The following PDSS2 variants were observed in gnomAD, a reference collection of about 807,000 sequenced individuals.
PDSS2 encodes the protein all trans-polyprenyl-diphosphate synthase PDSS2.
In PDSS2, 31 loss-of-function variants were observed where a neutral mutation model predicts 44.5. That is an observed-to-expected ratio of 0.70 (90% CI 0.52 to 0.94). The LOEUF (loss-of-function observed/expected upper bound fraction) is 0.94. PDSS2 is among the 40% of genes least tolerant of loss of function. The pLI, the probability that PDSS2 is intolerant of heterozygous loss-of-function variation, is 0.00. For missense variants in PDSS2, 452 were observed against 482.2 expected (o/e 0.94, Z 0.59); for synonymous variants, 157 against 180.3 (o/e 0.87, Z 1.03).
Position 107,285,763 on chromosome 6 carries a change from T to C in PDSS2, c.432-11536A>G, listed in dbSNP as rs77769253. Among the ~76,000 whole-genome samples the C allele has an allele frequency of 4.6e-4, 70 of 152,298 alleles. 1 individual carries two copies. The highest frequency in any genetic ancestry group is 1.0e-3 in the South Asian group (5 of 4,830). Reference sequence around the variant, plus strand: ...CATCTAACTGTGAAAAGCAACACTATAAATTTAGGAAAACATCCTTATGGA... The same window carrying C: ...CATCTAACTGTGAAAAGCAACACTACAAATTTAGGAAAACATCCTTATGGA... On this transcript the variant is annotated intron_variant, in intron 2 of 7. Transcript: ENST00000369037.
At chr6:107,246,833 G>T (rs1004518198) in intron 3 of PDSS2, among the ~76,000 whole-genome samples, 1 of 152,126 alleles carries the variant, frequency 6.6e-6, no homozygotes, top group Admixed American at 6.6e-5. Flanking sequence ...TTTAAGGATG[G>T]TTTAATTTGT....
At chr6:107,253,668 A>G (rs958742466) in intron 3 of PDSS2, among the ~76,000 whole-genome samples, 8 of 151,794 alleles carry the variant, frequency 5.3e-5, no homozygotes, top group African/African-American at 1.9e-4. Flanking sequence ...TTAATTCACA[A>G]TTGTGAGATA....
At chr6:107,304,748 C>T (rs1255571396) in intron 2 of PDSS2, among the ~76,000 whole-genome samples, 1 of 152,184 alleles carries the variant, frequency 6.6e-6, no homozygotes, top group Non-Finnish European at 1.5e-5. Context: ...TTAAATAAAT[C>T]TTTAGAGAAA....
rs776915681 is a variant in PDSS2, at chr6:107,459,108, C to G, written c.178G>C (p.Val60Leu). The change falls in exon 1 of 8, where the codon GTG becomes CTG. Residue 60 changes from valine (V) to leucine (L), a missense_variant. Transcript: ENST00000369037. The surrounding 1 kb of genome is among the most constrained non-coding windows in gnomAD (Gnocchi z 4.3). ...NQVVSEAEKI[V>L]GYPTSFMSLR... ...CTCATGAAGGACGTGGGGTACCCCA[C>G]GATCTTCTCCGCCTCTGACACTACC... The G allele has an allele frequency of 1.2e-6, 2 of 1,614,094 alleles. No individual in the cohort carries two copies. Among genetic ancestry groups the G allele is most frequent in the South Asian group, 1.1e-5 (1 of 91,082 alleles).
At chr6:107,244,447 C>G (rs1774543346) in intron 4 of PDSS2, among the ~76,000 whole-genome samples, 1 of 152,200 alleles carries the variant, frequency 6.6e-6, no homozygotes, top group Non-Finnish European at 1.5e-5. Flanking sequence ...ATATTAACCT[C>G]CATCCATAGT....
At chr6:107,366,336 A>T (rs1036279813) in intron 1 of PDSS2, among the ~76,000 whole-genome samples, 1 of 152,130 alleles carries the variant, frequency 6.6e-6, no homozygotes, top group Non-Finnish European at 1.5e-5. Context: ...ACCTGAATGA[A>T]AATGAAAAGA....
chr6:107,223,068 C>T (rs1773666848), intron 4 of PDSS2, among the ~76,000 whole-genome samples: 1 of 151,572 alleles, frequency 6.6e-6, no homozygotes, highest in Admixed American at 6.6e-5. Flanking sequence ...CCTGCCTCAG[C>T]CTCCTGAGTA....
In PDSS2 at chr6:107,379,380, T is replaced by C. The variant is rs368749298; in HGVS notation, c.297-45048A>G. Among the ~76,000 whole-genome samples, 50 of 152,348 alleles carry C rather than the reference T, an allele frequency of 3.3e-4. No homozygotes were observed. The South Asian group carries it at 9.5e-3, about 29-fold the overall frequency. ...ACTTGAGAAAAGGATGTATTTTCTA[T>C]TATCAGAACTTCGAGTTTAATATAT... On this transcript the variant is annotated intron_variant, in intron 1 of 7. Transcript: ENST00000369037.
intron 7 of PDSS2, among the ~76,000 whole-genome samples, chr6:107,170,018 C>T (rs2114366281): frequency 6.6e-6 from 1 of 152,270 alleles, no homozygotes; most frequent in Middle Eastern, 3.4e-3. Context: ...CAGACAGGGA[C>T]ATTTAAGTCT....
In PDSS2 at chr6:107,376,237, C is replaced by T. The variant is rs1024430942; in HGVS notation, c.297-41905G>A. Among the ~76,000 whole-genome samples, 9 of 151,984 alleles carry T rather than the reference C, an allele frequency of 5.9e-5. No homozygotes were observed. In the South Asian group the frequency reaches 8.3e-4, roughly 14 times the overall value. On this transcript the variant is annotated intron_variant, in intron 1 of 7. Coordinates refer to ENST00000369037, the MANE Select transcript of PDSS2 (RefSeq NM_020381.4). ...TTCTTTTGGCTTAGGATTGACTTGG[C>T]GATGTGGGCTCTTTTTTGGTTCCAT... is the stretch of plus-strand genomic sequence containing the variant.
chr6:107,365,779 T>G (rs1383229473), intron 1 of PDSS2, among the ~76,000 whole-genome samples: 2 of 152,118 alleles, frequency 1.3e-5, no homozygotes, highest in Admixed American at 1.3e-4. Context: ...CTGGAGACAA[T>G]GAAGGACATT....
intron 2 of PDSS2, among the ~76,000 whole-genome samples, chr6:107,302,227 T>C (rs1003360245): frequency 1.3e-5 from 2 of 152,128 alleles, no homozygotes; most frequent in African/African-American, 4.8e-5. Flanking sequence ...TAGGATCCGA[T>C]TGTTTAAAAA....
intron 1 of PDSS2, among the ~76,000 whole-genome samples, chr6:107,429,010 A>G (rs1178840548): frequency 1.3e-5 from 2 of 152,204 alleles, no homozygotes; most frequent in Non-Finnish European, 2.9e-5. Flanking sequence ...TAAAGGATGC[A>G]GCCACTACCT....
rs4946825 is a variant in PDSS2, at chr6:107,218,281, A to G, written c.703-5999T>C. 4.2e-3 allele frequency among the ~76,000 whole-genome samples: 636 copies of G among 152,206 alleles called. 11 individuals are homozygous for G. The highest frequency in any genetic ancestry group is 0.025 in the Admixed American group (386 of 15,284). On this transcript the variant is annotated intron_variant, in intron 4 of 7. Coordinates refer to ENST00000369037, the MANE Select transcript of PDSS2 (RefSeq NM_020381.4). ...GCCAGGGTGACCTTTAAAAACACAA[A>G]CCAGAACTACAATGGCCTCCAGCTG...
intron 5 of PDSS2, among the ~76,000 whole-genome samples, chr6:107,211,280 A>ATT (rs1773194608): frequency 6.6e-6 from 1 of 151,648 alleles, no homozygotes; most frequent in African/African-American, 2.4e-5. Context: ...TAAATTTAAA[A>ATT]TTATATATAT....
At chr6:107,202,312 T>G (rs1409312266) in intron 6 of PDSS2, among the ~76,000 whole-genome samples, 3 of 151,944 alleles carry the variant, frequency 2.0e-5, no homozygotes, top group Non-Finnish European at 4.4e-5. Context: ...GTGCTGGGAT[T>G]ACAGGCATGA....
chr6:107,254,719 G>A (rs527851474), intron 3 of PDSS2, among the ~76,000 whole-genome samples: 7 of 152,220 alleles, frequency 4.6e-5, no homozygotes, highest in African/African-American at 1.4e-4. Context: ...TGGCTGATGA[G>A]CTCCATTTTG....
At chr6:107,288,677 C>T (rs1776235601) in intron 2 of PDSS2, among the ~76,000 whole-genome samples, 1 of 149,050 alleles carries the variant, frequency 6.7e-6, no homozygotes, top group Non-Finnish European at 1.5e-5. Flanking sequence ...GAGCAAGCAA[C>T]GAGTTTAGGT....
Position 107,242,872 on chromosome 6 carries a change from G to C in PDSS2, c.702+2676C>G, listed in dbSNP as rs1465546724. ...AAAGAATGGCCCTTTAAATGGTTTG[G>C]CTATTTTCAGAAATTTAACTGCTTA... On this transcript the variant is annotated intron_variant, in intron 4 of 7. Transcript: ENST00000369037. Among the ~76,000 whole-genome samples, 4 of 152,266 alleles carry C rather than the reference G, an allele frequency of 2.6e-5. No homozygotes were observed. In the East Asian group the frequency reaches 7.7e-4, roughly 29 times the overall value.
Sources: allele counts gnomAD v4.1 joint callset (sites outside exome capture counted in the v4.1 genomes callset), GRCh38; gene constraint gnomAD v4.1.1; non-coding constraint Gnocchi (gnomAD v3.1); transcripts MANE v1.5; gene names NCBI Gene and HGNC (gene_info 2026-07-23, HGNC 2026-07-21).